Variants in POTEH observed in about 807,000 individuals in gnomAD.
POTEH encodes the protein ANKRD26-like family C member 3.
POTEH carries 6 observed loss-of-function variants against 41.7 expected under a neutral mutation model. The ratio of observed to expected loss-of-function variants is 0.14; its 90% CI spans 0.08 to 0.28. The LOEUF is 0.28. Among genes scored for constraint, POTEH ranks in the 10% least tolerant of loss-of-function variants. The probability of loss-of-function intolerance (pLI) is 1.00; values close to 1 mark genes in which losing one functional copy is unlikely to be tolerated. For synonymous variants in POTEH, 38 were observed against 179.9 expected (o/e 0.21, Z 6.31); for missense variants, 115 against 533.5 (o/e 0.22, Z 7.73).
intron 3 of POTEH, among the ~76,000 whole-genome samples, chr22:15,696,775 A>G (rs1989438881): frequency 9.5e-6 from 1 of 105,788 alleles, no homozygotes; most frequent in South Asian, 4.1e-4. Context: ...TACCGGGAAA[A>G]ATTATGTGGT....
Position 15,713,715 on chromosome 22 carries a change from G to T in POTEH, c.1520+2681G>T, listed in dbSNP as rs1367718780. Among the ~76,000 whole-genome samples, 23 of 152,376 alleles carry T rather than the reference G, an allele frequency of 1.5e-4. 1 individual carries two copies. The East Asian group carries it at 3.5e-3, about 23-fold the overall frequency. On this transcript the variant is annotated intron_variant, in intron 9 of 10. Coordinates refer to ENST00000343518, the MANE Select transcript of POTEH (RefSeq NM_001136213.1). The stretch of plus-strand genomic sequence containing the variant: ...GGGTTTCCCCATGTTGGCCAGGCTG[G>T]TCTCAAACTCCTGATGTCAGGTGAT...
At position 15,690,315 on chromosome 22, in the gene POTEH, G is replaced by C; in HGVS notation, c.238G>C (p.Val80Leu). ...PWCRGSGKSN[V>L]GTSGDHDDSA... ...GTGCAGGGGGAGCGGCAAGAGCAAC[G>C]TGGGCACTTCTGGAGACCACGACGA... Residue 80 changes from valine (V) to leucine (L), a missense_variant, in exon 1 of 11, where the codon GTG (valine) becomes CTG (leucine). Val to Leu is a conservative substitution (Grantham distance 32). Coordinates refer to ENST00000343518, the MANE Select transcript of POTEH (RefSeq NM_001136213.1). The C allele has an allele frequency of 7.0e-7, 1 of 1,420,316 alleles. No homozygotes were observed. The highest frequency in any genetic ancestry group is 9.7e-7 in the Non-Finnish European group (1 of 1,027,482). The allele number at this position is 1,420,316 out of a possible 1,614,324, so 88.0% of individuals were successfully genotyped here. A position where few individuals can be genotyped will look rare whatever the true frequency, so the allele number is the denominator to read the frequency against.
intron 6 of POTEH, among the ~76,000 whole-genome samples, chr22:15,703,676 T>C (rs1321260320): frequency 1.3e-5 from 2 of 149,404 alleles, no homozygotes; most frequent in Non-Finnish European, 3.0e-5. Flanking sequence ...TGCTACCTGA[T>C]TGTAGACACC....
rs760807244 is a variant in POTEH, at chr22:15,690,339, G to T, written c.262G>T (p.Asp88Tyr). The change falls in exon 1 of 11, where the codon GAT becomes TAT. Residue 88 changes from aspartate (D) to tyrosine (Y), a missense_variant. Physicochemically the swap from Asp to Tyr is radical, Grantham distance 160. Transcript: ENST00000343518. ...SNVGTSGDHD[D>Y]SAMKTLRSKM... ...CGTGGGCACTTCTGGAGACCACGAC[G>T]ATTCTGCTATGAAGACACTCAGGAG... The T allele has an allele frequency of 1.4e-6, 2 of 1,399,780 alleles. No individual in the cohort carries two copies. Among genetic ancestry groups the T allele is most frequent in the African/African-American group, 1.6e-5 (1 of 62,532 alleles). 86.7% of individuals were successfully genotyped at this position (1,399,780 alleles called of 1,614,324 possible).
At chr22:15,713,345 G>A (rs1463787596) in intron 9 of POTEH, among the ~76,000 whole-genome samples, 1 of 152,376 alleles carries the variant, frequency 6.6e-6, no homozygotes, top group Admixed American at 6.5e-5. Flanking sequence ...TCTCCCTAAC[G>A]GCGTCTTCAC....
intron 9 of POTEH, among the ~76,000 whole-genome samples, chr22:15,711,416 A>C (rs1243370960): frequency 4.6e-5 from 7 of 151,492 alleles, no homozygotes; most frequent in Non-Finnish European, 1.0e-4. Flanking sequence ...TCCACCCTCA[A>C]GTAGGCCCCA....
rs978479283 is a variant in POTEH at position 15,691,368 on chromosome 22, TAAA to T, written c.632+665_632+667del. 1.2e-4 allele frequency among the ~76,000 whole-genome samples: 15 copies of T among 126,868 alleles called. 1 individual carries two copies. The highest frequency in any genetic ancestry group is 2.0e-4 in the Non-Finnish European group (11 of 55,760). 83.2% of individuals were successfully genotyped at this position (126,868 alleles called of 152,430 possible). ...GAAACCCCGTCTCTACTAAAAAATA[TAAA>T]AAAAATTAGCTGGACGCGGTGGCAG... On this transcript the variant is annotated intron_variant, in intron 1 of 10. Transcript: ENST00000343518.
At chr22:15,713,905 G>T (rs1193088472) in intron 9 of POTEH, among the ~76,000 whole-genome samples, 1 of 152,118 alleles carries the variant, frequency 6.6e-6, no homozygotes, top group Non-Finnish European at 1.5e-5. Flanking sequence ...CTGGCTACTT[G>T]ACAGGCCTAG....
intron 9 of POTEH, among the ~76,000 whole-genome samples, chr22:15,717,459 G>GTT (rs939838592): frequency 1.1e-5 from 1 of 90,702 alleles, no homozygotes; most frequent in Non-Finnish European, 2.4e-5. Context: ...ACCAACATCT[G>GTT]TTTTTTTTTG....
intron 1 of POTEH, among the ~76,000 whole-genome samples, chr22:15,690,984 A>G (rs1430210858): frequency 3.0e-5 from 4 of 133,980 alleles, no homozygotes; most frequent in African/African-American, 1.1e-4. Context: ...TCGATGCAGC[A>G]GATTATTTTT....
intron 6 of POTEH, among the ~76,000 whole-genome samples, chr22:15,704,170 CAGAG>C (rs1469380557): frequency 3.3e-5 from 4 of 121,986 alleles, no homozygotes; most frequent in African/African-American, 1.2e-4. Flanking sequence ...GGTAAGCATG[CAGAG>C]AGAGAAGAAT....
chr22:15,719,990 G>A (rs1456888945), intron 10 of POTEH, among the ~76,000 whole-genome samples: 5 of 22,426 alleles, frequency 2.2e-4, no homozygotes, highest in African/African-American at 6.1e-4. Flanking sequence ...CTTCACAATG[G>A]CCTCAATCCA....
Position 15,691,014 on chromosome 22 carries a change from A to G in POTEH, c.632+305A>G, listed in dbSNP as rs567341989. On this transcript the variant is annotated intron_variant, in intron 1 of 10. Coordinates refer to ENST00000343518, the MANE Select transcript of POTEH (RefSeq NM_001136213.1). ...ATTTTTAATGTACAGATTTTAAAAC[A>G]ATGTTCTATACATTAAAAAAGTGTA... 1.9e-4 allele frequency among the ~76,000 whole-genome samples: 27 copies of G among 142,104 alleles called. No individual in the cohort carries two copies. The Middle Eastern group carries it at 0.018, about 93-fold the overall frequency. 93.2% of individuals were successfully genotyped at this position (142,104 alleles called of 152,430 possible).
At chr22:15,690,833 G>C in intron 1 of POTEH, 124 bp downstream of exon 1, 1 of 1,264,196 alleles carries the variant, frequency 7.9e-7, no homozygotes, top group Non-Finnish European at 1.1e-6. Flanking sequence ...CCTGGATGTG[G>C]AAACCTCAGA....
intron 8 of POTEH, 108 bp from the exon 9 acceptor site, chr22:15,710,760 T>TTTA: frequency 6.4e-7 from 1 of 1,561,300 alleles, no homozygotes; most frequent in Non-Finnish European, 8.7e-7. Context: ...GTGAAATGTT[T>TTTA]TTAATGACTA....
intron 1 of POTEH, among the ~76,000 whole-genome samples, chr22:15,691,907 A>G (rs563091072): frequency 3.3e-3 from 489 of 147,838 alleles, no homozygotes; most frequent in African/African-American, 0.011. Context: ...AAATCAGAGT[A>G]TAGATTAAAA....
chr22:15,709,010 C>G (rs1027683860), intron 7 of POTEH, among the ~76,000 whole-genome samples: 1 of 151,498 alleles, frequency 6.6e-6, no homozygotes, highest in African/African-American at 2.4e-5. Flanking sequence ...GGGAGGGAAC[C>G]AGGTCAAAAA....
At chr22:15,709,022 G>A (rs145983396) in intron 7 of POTEH, among the ~76,000 whole-genome samples, 12,097 of 133,964 alleles carry the variant, frequency 0.09, 2 homozygotes, top group South Asian at 0.21. Flanking sequence ...GGTCAAAAAA[G>A]CAACCCAACT....
At chr22:15,714,284 C>T (rs1364254829) in intron 9 of POTEH, among the ~76,000 whole-genome samples, 2 of 152,214 alleles carry the variant, frequency 1.3e-5, no homozygotes, top group African/African-American at 4.8e-5. Context: ...CCCCTTTCAT[C>T]AATTCTTAAC....
Sources: gnomAD v4.1 joint callset for allele counts (sites outside exome capture counted in the v4.1 genomes callset) on GRCh38, gnomAD v4.1.1 for gene constraint, MANE v1.5 for transcripts, NCBI Gene and HGNC (gene_info 2026-07-23, HGNC 2026-07-21) for gene names.